Variants in SEM1 observed in about 807,000 individuals in gnomAD.
The protein encoded by SEM1 is SEM1 26S proteasome subunit.
In SEM1, 3 loss-of-function variants were observed where a neutral mutation model predicts 12.7. That is an observed-to-expected ratio of 0.24 (90% confidence interval 0.11 to 0.61). SEM1 has a LOEUF of 0.61. Among genes scored for constraint, SEM1 ranks in the 20% least tolerant of loss-of-function variants. The pLI is 0.88. For synonymous variants in SEM1, 30 were observed against 27.8 expected (o/e 1.08, Z -0.25); for missense variants, 59 against 81.3 (o/e 0.73, Z 1.06).
chr7:96,614,973 G>A (rs948564616), intron 2 of SEM1, among the ~76,000 whole-genome samples: 1 of 152,114 alleles, frequency 6.6e-6, no homozygotes, highest in African/African-American at 2.4e-5. Context: ...ACAGCCCAAG[G>A]ACAAAATCTG....
chr7:96,530,323 T>G (rs1397233381), intron 2 of SEM1, among the ~76,000 whole-genome samples: 1 of 151,952 alleles, frequency 6.6e-6, no homozygotes, highest in Non-Finnish European at 1.5e-5. Flanking sequence ...CACTACAGCA[T>G]AAAACAGTGC....
intron 2 of SEM1, among the ~76,000 whole-genome samples, chr7:96,658,730 C>T (rs1809268281): frequency 1.3e-5 from 2 of 152,124 alleles, no homozygotes. Flanking sequence ...GGGGCTACTC[C>T]CTGTGCCTCT....
At chr7:96,654,874 C>A (rs1015958922) in intron 2 of SEM1, among the ~76,000 whole-genome samples, 3 of 152,088 alleles carry the variant, frequency 2.0e-5, no homozygotes, top group African/African-American at 4.8e-5. Context: ...ATTTGAGGTC[C>A]ACAATTCGCA....
chr7:96,484,771 T>C, intron 3 of SEM1: 1 of 1,134,752 alleles, frequency 8.8e-7, no homozygotes, highest in Non-Finnish European at 1.2e-6. Flanking sequence ...AAAAATCCTC[T>C]CACCATACAG....
chr7:96,596,645 G>A (rs1807006889), intron 2 of SEM1, among the ~76,000 whole-genome samples: 1 of 152,196 alleles, frequency 6.6e-6, no homozygotes, highest in Admixed American at 6.5e-5. Context: ...AGCTGGGAGA[G>A]TGTGGAGGTT....
At chr7:96,525,126 A>G (rs1318684483) in intron 2 of SEM1, among the ~76,000 whole-genome samples, 1 of 152,088 alleles carries the variant, frequency 6.6e-6, no homozygotes, top group African/African-American at 2.4e-5. Flanking sequence ...GTCTAAGGAA[A>G]ACACATCTTC....
chr7:96,653,417 C>CA (rs1387290849), intron 2 of SEM1, among the ~76,000 whole-genome samples: 2 of 152,110 alleles, frequency 1.3e-5, no homozygotes, highest in Non-Finnish European at 2.9e-5. Flanking sequence ...AACAGGGAAC[C>CA]AGACACATAA....
chr7:96,663,385 A>T (rs1789072078), intron 2 of SEM1, among the ~76,000 whole-genome samples: 1 of 152,224 alleles, frequency 6.6e-6, no homozygotes, highest in Non-Finnish European at 1.5e-5. Context: ...GTAGATGACA[A>T]GGTGGAATTA....
In SEM1 at chr7:96,532,312, T is replaced by C. The variant is rs143615519; in HGVS notation, c.171-25614A>G. 3.5e-3 allele frequency among the ~76,000 whole-genome samples: 531 copies of C among 152,154 alleles called. 1 individual carries two copies. The highest frequency in any genetic ancestry group is 0.012 in the African/African-American group (504 of 41,546). On this transcript the variant is annotated intron_variant and NMD_transcript_variant, in intron 2 of 3. Transcript: ENST00000466986. ...CAATATAAAAAGACACAGAAAAGTTTGAAAAAAAAACCCTCTGATTCCACC... is the reference window on the plus strand; with the variant it reads ...CAATATAAAAAGACACAGAAAAGTTCGAAAAAAAAACCCTCTGATTCCACC...
At chr7:96,524,909 A>ATGAGTT (rs1804400531) in intron 2 of SEM1, among the ~76,000 whole-genome samples, 2 of 152,166 alleles carry the variant, frequency 1.3e-5, no homozygotes, top group South Asian at 4.1e-4. Context: ...AACTGAATGA[A>ATGAGTT]ATATCAGTTT....
At chr7:96,505,380 A>G (rs1021443920) in intron 3 of SEM1, among the ~76,000 whole-genome samples, 2 of 152,084 alleles carry the variant, frequency 1.3e-5, no homozygotes, top group African/African-American at 2.4e-5. Context: ...TTGGGACTAC[A>G]GGTGTGAGCC....
chr7:96,611,831 A>G (rs1055326028), intron 2 of SEM1, among the ~76,000 whole-genome samples: 1 of 152,176 alleles, frequency 6.6e-6, no homozygotes, highest in Non-Finnish European at 1.5e-5. Flanking sequence ...ACTGTATTTT[A>G]ATATAAATTA....
chr7:96,582,421 G>C (rs2116065856), intron 2 of SEM1, among the ~76,000 whole-genome samples: 1 of 150,586 alleles, frequency 6.6e-6, no homozygotes, highest in Admixed American at 6.7e-5. Flanking sequence ...AAGGATATTG[G>C]TCTAAAATTC....
At chr7:96,579,187 T>C (rs898868353) in intron 2 of SEM1, among the ~76,000 whole-genome samples, 1 of 152,244 alleles carries the variant, frequency 6.6e-6, no homozygotes, top group African/African-American at 2.4e-5. Context: ...TAAATCATTA[T>C]GATGCCATCA....
chr7:96,577,456 T>C (rs1806244270), intron 2 of SEM1, among the ~76,000 whole-genome samples: 1 of 151,980 alleles, frequency 6.6e-6, no homozygotes, highest in South Asian at 2.1e-4. Flanking sequence ...TTATTTATAA[T>C]TCATAATGTA....
intron 2 of SEM1, among the ~76,000 whole-genome samples, chr7:96,513,458 G>A (rs577978786): frequency 7.2e-4 from 109 of 151,984 alleles, no homozygotes; most frequent in Non-Finnish European, 1.4e-3. Flanking sequence ...AAATAAAAGG[G>A]GAAACTTTTA....
At chr7:96,556,770 A>G (rs900988966) in intron 2 of SEM1, among the ~76,000 whole-genome samples, 2 of 135,136 alleles carry the variant, frequency 1.5e-5, no homozygotes, top group African/African-American at 5.5e-5. Context: ...CTCCTGGATA[A>G]TATCCTGCAG....
At chr7:96,595,551 A>G (rs888930531) in intron 2 of SEM1, among the ~76,000 whole-genome samples, 1 of 152,160 alleles carries the variant, frequency 6.6e-6, no homozygotes, top group Non-Finnish European at 1.5e-5. Flanking sequence ...TGAAAAGGCA[A>G]TCAAAGACTC....
intron 2 of SEM1, among the ~76,000 whole-genome samples, chr7:96,607,681 C>T (rs535740045): frequency 2.6e-4 from 39 of 152,266 alleles, no homozygotes; most frequent in Non-Finnish European, 5.0e-4. Context: ...ACTGAACTTC[C>T]GGCAGCTGGT....
Sources: gnomAD v4.1 joint callset for allele counts (sites outside exome capture counted in the v4.1 genomes callset) on GRCh38, gnomAD v4.1.1 for gene constraint, MANE v1.5 for transcripts, NCBI Gene and HGNC (gene_info 2026-07-23, HGNC 2026-07-21) for gene names.